The following PCDHGA10 variants were observed in gnomAD, a reference collection of about 807,000 sequenced individuals.
PCDHGA10 encodes the protein protocadherin gamma subfamily A, 10.
In PCDHGA10, 42 loss-of-function variants were observed where a neutral mutation model predicts 59.5. The observed-to-expected ratio is 0.71, with a 90% CI of 0.55 to 0.91. The LOEUF is 0.91. PCDHGA10 is among the 40% of genes least tolerant of loss of function. PCDHGA10 has a pLI of 0.00. For synonymous variants in PCDHGA10, 511 were observed against 517.2 expected (o/e 0.99, Z 0.16); for missense variants, 1,111 against 1,198.2 (o/e 0.93, Z 1.07).
chr5:141,444,722 C>T (rs72790051), intron 1 of PCDHGA10, among the ~76,000 whole-genome samples: 3,290 of 152,024 alleles, frequency 0.022, 51 homozygotes, highest in South Asian at 0.038. Flanking sequence ...TGCTTGGTGC[C>T]TTTGTTGAAA....
intron 3 of PCDHGA10, among the ~76,000 whole-genome samples, chr5:141,506,429 A>G (rs1406730781): frequency 7.0e-6 from 1 of 143,144 alleles, no homozygotes; most frequent in Non-Finnish European, 1.5e-5. Flanking sequence ...CCTGGGCAAC[A>G]GTCTCGCTCT....
chr5:141,488,564 G>A (rs1047904416), intron 1 of PCDHGA10, among the ~76,000 whole-genome samples: 4 of 152,154 alleles, frequency 2.6e-5, no homozygotes, highest in Non-Finnish European at 5.9e-5. Context: ...TGAGATTTCC[G>A]CAAAGCATTG....
Position 141,414,554 on chromosome 5 carries a change from C to G in PCDHGA10, c.1379C>G (p.Ser460Cys), listed in dbSNP as rs1184557964. 3 of 1,613,880 alleles carry G rather than the reference C, an allele frequency of 1.9e-6. No individual in the cohort carries two copies. The highest frequency in any genetic ancestry group is 2.2e-5 in the East Asian group (1 of 44,890). ...AACCCACCTACCTTCTCTCAAGTCT[C>G]CTACTTTACCTATATCCCAGAGAAC... ...NDNPPTFSQVSYFTYIPENNA... is the reference protein window; with the variant it reads ...NDNPPTFSQVCYFTYIPENNA... Residue 460 changes from serine (S) to cysteine (C), a missense_variant, in exon 1 of 4, where the codon TCC (serine) becomes TGC (cysteine). Ser to Cys is a moderately radical substitution (Grantham distance 112). Coordinates refer to ENST00000398610, the MANE Select transcript of PCDHGA10 (RefSeq NM_018913.3).
At chr5:141,422,032 G>A in intron 1 of PCDHGA10, 1 of 1,611,280 alleles carries the variant, frequency 6.2e-7, no homozygotes, top group Non-Finnish European at 8.5e-7. Context: ...TAATGCAACG[G>A]ATCCAGACGA....
Position 141,415,561 on chromosome 5 carries a change from T to C in PCDHGA10, c.2386T>C (p.Ser796Pro), listed in dbSNP as rs11575963. 0.067 allele frequency: 108,836 copies of C among 1,614,090 alleles called. 4,260 individuals carry two copies. Among genetic ancestry groups the C allele is most frequent in the Non-Finnish European group, 0.077 (90,887 of 1,179,986 alleles). ...GAGCTGTGAGAAAAACGATCCTTTG[T>C]CTTTGTTAGATGATTCGAAGTTTCC... ...QESCEKNDPL[S>P]LLDDSKFPIE... Residue 796 changes from serine to proline, a missense_variant, in exon 1 of 4, where the codon TCT (serine) becomes CCT (proline). Ser to Pro is a moderately conservative substitution (Grantham distance 74). Coordinates refer to ENST00000398610, the MANE Select transcript of PCDHGA10 (RefSeq NM_018913.3).
Position 141,419,013 on chromosome 5 carries a change from G to C in PCDHGA10, c.2436+3402G>C, listed in dbSNP as rs746229802. The C allele has an allele frequency of 6.9e-5, 111 of 1,613,840 alleles. No individual in the cohort carries two copies. In the East Asian group the frequency reaches 2.4e-3, roughly 35 times the overall value. ...GGGGAAAATGGGGAAGTCAGGTGTA[G>C]CTTAAGTAGAGGTGTTCCATTTAAG... is the stretch of plus-strand genomic sequence containing the variant. On this transcript the variant is annotated intron_variant, in intron 1 of 3. Transcript: ENST00000398610.
rs1193620622 is a variant in PCDHGA10, at chr5:141,512,906, G to A, written c.*1733G>A. On this transcript the variant is annotated 3_prime_UTR_variant, in exon 4 of 4. Coordinates refer to ENST00000398610, the MANE Select transcript of PCDHGA10 (RefSeq NM_018913.3). ...CACCCTCTTCCTGTGTCTCACGCAA[G>A]TTTTATACTCTAATATTTATATGGC... 2.0e-5 allele frequency: 3 copies of A among 152,206 alleles called. No homozygotes were observed. Among genetic ancestry groups the A allele is most frequent in the African/African-American group, 7.2e-5 (3 of 41,438 alleles). The allele number at this position is 152,206 out of a possible 1,614,324, so 9.4% of individuals were successfully genotyped here.
At chr5:141,447,230 C>G (rs1309076828) in intron 1 of PCDHGA10, among the ~76,000 whole-genome samples, 1 of 152,132 alleles carries the variant, frequency 6.6e-6, no homozygotes, top group Non-Finnish European at 1.5e-5. Flanking sequence ...ACCTCCGCCT[C>G]CCGGGTTCAA....
At chr5:141,424,982 G>T (rs2096852076) in intron 1 of PCDHGA10, among the ~76,000 whole-genome samples, 1 of 152,106 alleles carries the variant, frequency 6.6e-6, no homozygotes, top group South Asian at 2.1e-4. Context: ...GGATATTTAT[G>T]TTCCCTTTCA....
chr5:141,501,902 C>G (rs2154593013), intron 2 of PCDHGA10, among the ~76,000 whole-genome samples: 1 of 152,202 alleles, frequency 6.6e-6, no homozygotes, highest in East Asian at 1.9e-4. Flanking sequence ...GGTTCCAACC[C>G]CACTGTTCCA....
chr5:141,492,106 C>T (rs1265796740), intron 1 of PCDHGA10, among the ~76,000 whole-genome samples: 2 of 152,238 alleles, frequency 1.3e-5, no homozygotes, highest in South Asian at 2.1e-4. Flanking sequence ...TGTAGATTTC[C>T]TCTTCGATTT....
intron 1 of PCDHGA10, 161 bp downstream of exon 1, chr5:141,415,772 T>TA (rs763083459): frequency 1.1e-5 from 15 of 1,332,970 alleles, no homozygotes; most frequent in Non-Finnish European, 1.3e-5. Flanking sequence ...TTTTTTTTTT[T>TA]ACTTTCTGGT....
chr5:141,502,457 A>G lies in PCDHGA10; in HGVS notation c.2496-2936A>G, dbSNP rs950959171. 6.6e-5 allele frequency among the ~76,000 whole-genome samples: 10 copies of G among 151,926 alleles called. No individual in the cohort carries two copies. The South Asian group carries it at 1.7e-3, about 25-fold the overall frequency. On this transcript the variant is annotated intron_variant, in intron 2 of 3. Coordinates refer to ENST00000398610, the MANE Select transcript of PCDHGA10 (RefSeq NM_018913.3). The stretch of plus-strand genomic sequence containing the variant: ...TTAGATTCAGATTACACACCTTGGT[A>G]GGAATACTTCCCGCAGCATCACACT...
chr5:141,491,508 G>T lies in PCDHGA10; in HGVS notation c.2437-3299G>T. 1 of 1,614,030 alleles carries T rather than the reference G, an allele frequency of 6.2e-7. No homozygotes were observed. Among genetic ancestry groups the T allele is most frequent in the Non-Finnish European group, 8.5e-7 (1 of 1,180,014 alleles). ...ACCTGCAGGTGAGCTCGGACGGCACGCTCAAGTACATGGAGGTGACGCTGC... is the reference window on the plus strand; with the variant it reads ...ACCTGCAGGTGAGCTCGGACGGCACTCTCAAGTACATGGAGGTGACGCTGC... On this transcript the variant is annotated intron_variant, in intron 1 of 3. Transcript: ENST00000398610. The surrounding 1 kb of genome is among the most constrained non-coding windows in gnomAD (Gnocchi z 6.9).
Position 141,476,696 on chromosome 5 carries a change from G to T in PCDHGA10, c.2437-18111G>T, listed in dbSNP as rs750429892. ...GACGCGGGAGGACAGCACCAAGTAC[G>T]CGGAGCTGGTGTTGGAGCGCGCCCT... On this transcript the variant is annotated intron_variant, in intron 1 of 3. Transcript: ENST00000398610. This position sits in a 1 kb window ranked among gnomAD's most constrained non-coding sequence, Gnocchi z 7.6. 3 of 1,614,102 alleles carry T rather than the reference G, an allele frequency of 1.9e-6. No individual in the cohort carries two copies. The highest frequency in any genetic ancestry group is 2.5e-6 in the Non-Finnish European group (3 of 1,180,050).
chr5:141,431,622 C>T lies in PCDHGA10; in HGVS notation c.2436+16011C>T, dbSNP rs761448407. 3 of 1,614,070 alleles carry T rather than the reference C, an allele frequency of 1.9e-6. No individual in the cohort carries two copies. The African/African-American group carries it at 4.0e-5, about 22-fold the overall frequency. ...TCCTTCCGGTATGTGGACGACAAGGCGGCCCAAGTTTTCAAACTAGATTGT... is the reference window on the plus strand; with the variant it reads ...TCCTTCCGGTATGTGGACGACAAGGTGGCCCAAGTTTTCAAACTAGATTGT... On this transcript the variant is annotated intron_variant, in intron 1 of 3. Transcript: ENST00000398610. The surrounding 1 kb of genome is among the most constrained non-coding windows in gnomAD (Gnocchi z 4.8).
chr5:141,489,250 A>C lies in PCDHGA10; in HGVS notation c.2437-5557A>C. 1 of 1,546,554 alleles carries C rather than the reference A, an allele frequency of 6.5e-7. No individual in the cohort carries two copies. The highest frequency in any genetic ancestry group is 8.7e-7 in the Non-Finnish European group (1 of 1,146,722). On this transcript the variant is annotated intron_variant, in intron 1 of 3. Transcript: ENST00000398610. This position sits in a 1 kb window ranked among gnomAD's most constrained non-coding sequence, Gnocchi z 4.5. The stretch of plus-strand genomic sequence containing the variant: ...AAGGGACTTCTGGGTCATGGGGCCC[A>C]AGACACTCCCACAGCTCGCTGGGAA...
chr5:141,432,126 C>T lies in PCDHGA10; in HGVS notation c.2436+16515C>T. ...AACCCGCCGGTCTTCCCTCAGGCCTCCTATTCCGCTTATATCCCAGAGAAC... is the reference window on the plus strand; with the variant it reads ...AACCCGCCGGTCTTCCCTCAGGCCTTCTATTCCGCTTATATCCCAGAGAAC... On this transcript the variant is annotated intron_variant, in intron 1 of 3. Coordinates refer to ENST00000398610, the MANE Select transcript of PCDHGA10 (RefSeq NM_018913.3). This position sits in a 1 kb window ranked among gnomAD's most constrained non-coding sequence, Gnocchi z 6.0. The T allele has an allele frequency of 1.2e-6, 2 of 1,614,144 alleles. No homozygotes were observed. Among genetic ancestry groups the T allele is most frequent in the Non-Finnish European group, 1.7e-6 (2 of 1,180,028 alleles).
chr5:141,424,036 C>A, intron 1 of PCDHGA10: 1 of 1,029,606 alleles, frequency 9.7e-7, no homozygotes, highest in Non-Finnish European at 1.2e-6. Context: ...CTTTTTATTT[C>A]CATTTCAATT....
Sources: gnomAD v4.1 joint callset for allele counts (sites outside exome capture counted in the v4.1 genomes callset) on GRCh38, gnomAD v4.1.1 for gene constraint, Gnocchi (gnomAD v3.1) non-coding constraint, MANE v1.5 for transcripts, NCBI Gene and HGNC (gene_info 2026-07-23, HGNC 2026-07-21) for gene names.